Variants in SND1 observed in about 807,000 individuals in gnomAD.
SND1 encodes the protein staphylococcal nuclease and tudor domain containing 1.
In SND1, 38 loss-of-function variants were observed where a neutral mutation model predicts 121.7. The observed-to-expected ratio is 0.31, with a 90% CI of 0.24 to 0.41. SND1 has a LOEUF of 0.41. SND1 is among the 10% of genes least tolerant of loss of function. The pLI is 1.00. For synonymous variants in SND1, 401 were observed against 447.4 expected (o/e 0.90, Z 1.31); for missense variants, 868 against 1,184.6 (o/e 0.73, Z 3.92).
chr7:128,003,585 C>T (rs1802888061), intron 16 of SND1, among the ~76,000 whole-genome samples: 1 of 152,218 alleles, frequency 6.6e-6, no homozygotes, highest in South Asian at 2.1e-4. Context: ...CTCTATAATG[C>T]TTGCGGTGCT....
At chr7:128,054,026 C>G (rs1793093891) in intron 16 of SND1, among the ~76,000 whole-genome samples, 1 of 152,226 alleles carries the variant, frequency 6.6e-6, no homozygotes, top group Admixed American at 6.5e-5. Context: ...CCTGCTGCTG[C>G]CCATCTTCCC....
intron 15 of SND1, among the ~76,000 whole-genome samples, chr7:127,982,349 T>C (rs1197456618): frequency 6.6e-6 from 1 of 152,218 alleles, no homozygotes; most frequent in Non-Finnish European, 1.5e-5. Context: ...TCCTAAAAAA[T>C]TGGAGCTGTG....
intron 16 of SND1, among the ~76,000 whole-genome samples, chr7:128,068,246 A>T (rs1327829820): frequency 6.7e-6 from 1 of 148,802 alleles, no homozygotes; most frequent in Non-Finnish European, 1.5e-5. Context: ...GCACATGCTC[A>T]CTCTCTCCCT....
chr7:128,089,444 G>A (rs776277389), intron 21 of SND1, 45 bp from the exon 22 acceptor site: 52 of 1,554,780 alleles, frequency 3.3e-5, no homozygotes, highest in Non-Finnish European at 4.6e-5. Context: ...GGGCCCAAGT[G>A]GTTGTTCTCT....
chr7:128,075,606 C>G (rs1320821746), intron 17 of SND1, among the ~76,000 whole-genome samples: 1 of 152,230 alleles, frequency 6.6e-6, no homozygotes, highest in Non-Finnish European at 1.5e-5. Flanking sequence ...TCCTGGGTCT[C>G]TCTCTATCTA....
At chr7:127,835,304 A>C (rs1283911436) in intron 11 of SND1, among the ~76,000 whole-genome samples, 1 of 152,156 alleles carries the variant, frequency 6.6e-6, no homozygotes, top group Non-Finnish European at 1.5e-5. Flanking sequence ...AAGTATCTCC[A>C]TGTAAAATTT....
chr7:127,722,727 G>T (rs1464896348), intron 10 of SND1, among the ~76,000 whole-genome samples: 1 of 152,106 alleles, frequency 6.6e-6, no homozygotes, highest in Admixed American at 6.5e-5. Context: ...ATAAAAATAT[G>T]ATTGTCTTTT....
At position 127,863,545 on chromosome 7, in the gene SND1, A is replaced by G. The variant is rs998696891; in HGVS notation, c.1343+19121A>G. On this transcript the variant is annotated intron_variant, in intron 12 of 23. Transcript: ENST00000354725. Reference sequence around the variant, plus strand: ...GCCTTAGTTACTTTGTTTTGAACATATGAATTAACCAGTGCTATATGAATG... The same window carrying G: ...GCCTTAGTTACTTTGTTTTGAACATGTGAATTAACCAGTGCTATATGAATG... Among the ~76,000 whole-genome samples the G allele has an allele frequency of 1.3e-5, 2 of 152,356 alleles. 1 individual carries two copies. The highest frequency in any genetic ancestry group is 4.1e-4 in the South Asian group (2 of 4,828).
chr7:128,010,652 G>A (rs748315236), intron 16 of SND1, among the ~76,000 whole-genome samples: 5 of 152,280 alleles, frequency 3.3e-5, no homozygotes, highest in Non-Finnish European at 5.9e-5. Context: ...CCTCAGGGAA[G>A]TCAAGACTGG....
At position 127,652,284 on chromosome 7, in the gene SND1, C is replaced by T. The variant is rs550491208; in HGVS notation, c.-90C>T. 4 of 1,108,248 alleles carry T rather than the reference C, an allele frequency of 3.6e-6. No individual in the cohort carries two copies. The highest frequency in any genetic ancestry group is 2.7e-5 in the South Asian group (2 of 75,082). The allele number at this position is 1,108,248 out of a possible 1,614,324, so 68.7% of individuals were successfully genotyped here. A position where few individuals can be genotyped will look rare whatever the true frequency, so the allele number is the denominator to read the frequency against. Reference sequence around the variant, plus strand: ...CGCAGCTGGTAGCCAGCCTGCCCCTCGCCTCGACTCCCTTTCACCAACACC... The same window carrying T: ...CGCAGCTGGTAGCCAGCCTGCCCCTTGCCTCGACTCCCTTTCACCAACACC... On this transcript the variant is annotated 5_prime_UTR_variant, in exon 1 of 24. Coordinates refer to ENST00000354725, the MANE Select transcript of SND1 (RefSeq NM_014390.4).
intron 16 of SND1, among the ~76,000 whole-genome samples, chr7:128,019,195 T>G (rs1051182666): frequency 6.6e-6 from 1 of 152,224 alleles, no homozygotes; most frequent in Admixed American, 6.5e-5. Context: ...CTGCCCATGA[T>G]GGGTAGTCCT....
intron 14 of SND1, among the ~76,000 whole-genome samples, chr7:127,912,099 G>A (rs534282238): frequency 1.9e-4 from 29 of 152,222 alleles, no homozygotes; most frequent in Non-Finnish European, 3.8e-4. Context: ...ACAGGCATAA[G>A]CCACAACACC....
intron 2 of SND1, among the ~76,000 whole-genome samples, chr7:127,687,654 TA>T (rs770650515): frequency 3.0e-4 from 46 of 152,194 alleles, no homozygotes; most frequent in Non-Finnish European, 5.9e-4. Context: ...GTGATTTCAG[TA>T]TTTTTTTATG....
intron 10 of SND1, among the ~76,000 whole-genome samples, chr7:127,754,590 ACT>A (rs1797160593): frequency 6.6e-6 from 1 of 151,854 alleles, no homozygotes; most frequent in African/African-American, 2.4e-5. Flanking sequence ...TCAAGAGCTG[ACT>A]CTGTGATTTC....
chr7:127,862,960 C>T (rs1374118980), intron 12 of SND1, among the ~76,000 whole-genome samples: 1 of 152,132 alleles, frequency 6.6e-6, no homozygotes, highest in East Asian at 1.9e-4. Context: ...AGAACATGTC[C>T]CTTGATGTCT....
intron 10 of SND1, among the ~76,000 whole-genome samples, chr7:127,781,782 A>C (rs1453919962): frequency 1.3e-5 from 2 of 152,246 alleles, no homozygotes; most frequent in African/African-American, 4.8e-5. Context: ...TGAAATGTCA[A>C]TTCAGTAATA....
intron 11 of SND1, among the ~76,000 whole-genome samples, chr7:127,837,360 A>AT (rs1798886141): frequency 6.6e-6 from 1 of 152,252 alleles, no homozygotes; most frequent in African/African-American, 2.4e-5. Context: ...TTTGTTATAT[A>AT]TTGACACGAT....
intron 11 of SND1, among the ~76,000 whole-genome samples, chr7:127,827,960 A>G (rs1225352472): frequency 4.0e-5 from 6 of 151,724 alleles, no homozygotes; most frequent in Non-Finnish European, 8.8e-5. Flanking sequence ...CTTTAATAAC[A>G]TATATAGTTA....
intron 11 of SND1, among the ~76,000 whole-genome samples, chr7:127,819,708 G>A (rs1454208825): frequency 1.3e-5 from 2 of 152,190 alleles, no homozygotes; most frequent in Non-Finnish European, 2.9e-5. Context: ...GGCCACCTCT[G>A]AAGATCATTT....
Sources: gnomAD v4.1 joint callset for allele counts (sites outside exome capture counted in the v4.1 genomes callset) on GRCh38, gnomAD v4.1.1 for gene constraint, MANE v1.5 for transcripts, NCBI Gene and HGNC (gene_info 2026-07-23, HGNC 2026-07-21) for gene names.